Variants in TASP1 observed in about 807,000 individuals in gnomAD.
The protein encoded by TASP1 is taspase 1.
Under a neutral mutation model 56.6 loss-of-function variants are expected in TASP1, and 16 were observed. The observed-to-expected ratio is 0.28, with a 90% CI of 0.19 to 0.43. TASP1 has a LOEUF of 0.43. TASP1 is among the 20% of genes least tolerant of loss of function. The pLI is 1.00. For synonymous variants in TASP1, 179 were observed against 184.2 expected (o/e 0.97, Z 0.23); for missense variants, 393 against 511.6 (o/e 0.77, Z 2.24).
the TASP1 span, chr20:13,245,403 CCA>C: frequency 6.6e-6 from 1 of 152,196 alleles, no homozygotes; most frequent in East Asian, 1.9e-4. Context: ...AAGACAAAAT[CCA>C]CAGTCTTTGT....
chr20:13,186,316 T>C, the TASP1 span, among the ~76,000 whole-genome samples: 54 of 152,316 alleles, frequency 3.5e-4, no homozygotes, highest in African/African-American at 1.1e-3. Context: ...GGAAAAATGT[T>C]GCCAGAGCCG....
At chr20:13,293,432 T>C in the TASP1 span, among the ~76,000 whole-genome samples, 1 of 152,094 alleles carries the variant, frequency 6.6e-6, no homozygotes, top group Non-Finnish European at 1.5e-5. Flanking sequence ...ATCTTTTAGC[T>C]ACCCAAAAGT....
intron 4 of TASP1, among the ~76,000 whole-genome samples, chr20:13,589,064 T>G (rs1306801743): frequency 6.6e-6 from 1 of 150,514 alleles, no homozygotes; most frequent in East Asian, 1.9e-4. Context: ...TGGGTTTTTT[T>G]TTTTTTTTTT....
the TASP1 span, among the ~76,000 whole-genome samples, chr20:13,249,445 G>A: frequency 6.6e-6 from 1 of 152,272 alleles, no homozygotes; most frequent in South Asian, 2.1e-4. Context: ...AGGACCACAC[G>A]GAGTCCATTC....
chr20:13,347,404 C>T, the TASP1 span, among the ~76,000 whole-genome samples: 1 of 152,326 alleles, frequency 6.6e-6, no homozygotes, highest in Non-Finnish European at 1.5e-5. Flanking sequence ...CTGGGCTCTC[C>T]AACCCACTCC....
intron 4 of TASP1, among the ~76,000 whole-genome samples, chr20:13,603,135 G>T (rs574329930): frequency 6.6e-6 from 1 of 152,112 alleles, no homozygotes; most frequent in African/African-American, 2.4e-5. Context: ...GGAGACTGAG[G>T]CTAGAGAATC....
intron 12 of TASP1, among the ~76,000 whole-genome samples, chr20:13,426,344 C>T (rs2042616548): frequency 6.6e-6 from 1 of 152,002 alleles, no homozygotes; most frequent in African/African-American, 2.4e-5. Flanking sequence ...ATAAAATTTC[C>T]TGAGTGTAAT....
chr20:13,458,924 A>T (rs2043948522), intron 11 of TASP1, among the ~76,000 whole-genome samples: 1 of 152,194 alleles, frequency 6.6e-6, no homozygotes, highest in Non-Finnish European at 1.5e-5. Context: ...AAATTTTGGC[A>T]AATGTAAATG....
chr20:13,418,855 G>A lies in TASP1; in HGVS notation c.1097-1334C>T, dbSNP rs77210156. Among the ~76,000 whole-genome samples, 1,506 of 152,186 alleles carry A rather than the reference G, an allele frequency of 9.9e-3. 24 individuals carry two copies. The highest frequency in any genetic ancestry group is 0.034 in the African/African-American group (1,397 of 41,530). ...AAATGCATAACCAGAATTGAATGAG[G>A]AAACATCAAACAGACTTGAAATAGC... is the stretch of plus-strand genomic sequence containing the variant. On this transcript the variant is annotated intron_variant, in intron 12 of 13. Transcript: ENST00000337743.
the TASP1 span, among the ~76,000 whole-genome samples, chr20:13,241,161 G>A: frequency 6.6e-6 from 1 of 152,138 alleles, no homozygotes; most frequent in Non-Finnish European, 1.5e-5. Flanking sequence ...CATGACTGGT[G>A]ACCTGAATGA....
chr20:13,138,671 T>C, the TASP1 span, among the ~76,000 whole-genome samples: 1 of 152,222 alleles, frequency 6.6e-6, no homozygotes, highest in Non-Finnish European at 1.5e-5. Flanking sequence ...ATAGAATTAT[T>C]TTAGTTCAAA....
Position 13,534,185 on chromosome 20 carries a change from G to A in TASP1, c.676-44C>T, listed in dbSNP as rs2045329833. On this transcript the variant is annotated intron_variant, in intron 8 of 13. Coordinates refer to ENST00000337743, the MANE Select transcript of TASP1 (RefSeq NM_017714.3). ...ACAAGTATTCACTAGGCATGGAGTG[G>A]GACAATCTGATATGACTACATAGCA... is the stretch of plus-strand genomic sequence containing the variant. 3.7e-6 allele frequency: 6 copies of A among 1,607,558 alleles called. No homozygotes were observed. In the East Asian group the frequency reaches 1.3e-4, roughly 36 times the overall value.
chr20:13,441,622 A>G (rs1249584981), intron 11 of TASP1, among the ~76,000 whole-genome samples: 1 of 152,220 alleles, frequency 6.6e-6, no homozygotes, highest in Non-Finnish European at 1.5e-5. Context: ...AGAGAGAGGC[A>G]GGGCCAGGTC....
At chr20:13,604,795 A>G (rs2048086811) in intron 4 of TASP1, among the ~76,000 whole-genome samples, 1 of 152,060 alleles carries the variant, frequency 6.6e-6, no homozygotes, top group African/African-American at 2.4e-5. Flanking sequence ...AAAACTGCAG[A>G]TCTGTGGAAA....
At chr20:13,290,639 C>G in the TASP1 span, among the ~76,000 whole-genome samples, 2 of 151,740 alleles carry the variant, frequency 1.3e-5, no homozygotes, top group East Asian at 3.9e-4. Context: ...GCCCGGGCGA[C>G]AGAGCAAGAC....
At chr20:13,401,863 C>A (rs6074607) in intron 13 of TASP1, among the ~76,000 whole-genome samples, 39,334 of 152,062 alleles carry the variant, frequency 0.26, 5,938 homozygotes, top group Non-Finnish European at 0.34. Context: ...TGGGAAGATA[C>A]ATATTTATCT....
At position 13,477,959 on chromosome 20, in the gene TASP1, A is replaced by G. The variant is rs546609368; in HGVS notation, c.985+5268T>C. 7.9e-5 allele frequency among the ~76,000 whole-genome samples: 12 copies of G among 152,250 alleles called. No homozygotes were observed. In the South Asian group the frequency reaches 2.3e-3, roughly 29 times the overall value. ...ATTTCAATCTCTGAAATGCCTTTCA[A>G]TTTTCCTCCATTTGGTCTATCACAT... is the stretch of plus-strand genomic sequence containing the variant. On this transcript the variant is annotated intron_variant, in intron 11 of 13. Coordinates refer to ENST00000337743, the MANE Select transcript of TASP1 (RefSeq NM_017714.3).
chr20:13,164,423 A>G, the TASP1 span: 7 of 487,672 alleles, frequency 1.4e-5, no homozygotes, highest in African/African-American at 1.4e-4. Flanking sequence ...TTCTTCCACA[A>G]GACTACATAT....
At chr20:13,190,261 T>C in the TASP1 span, among the ~76,000 whole-genome samples, 641 of 152,248 alleles carry the variant, frequency 4.2e-3, 3 homozygotes, top group African/African-American at 0.014. Context: ...GTAATAAACC[T>C]GCATGTGTAT....
Sources: allele counts gnomAD v4.1 joint callset (sites outside exome capture counted in the v4.1 genomes callset), GRCh38; gene constraint gnomAD v4.1.1; transcripts MANE v1.5; gene names NCBI Gene and HGNC (gene_info 2026-07-23, HGNC 2026-07-21).